ADNP2: variants seen among roughly 807,000 people sequenced by gnomAD.
The protein encoded by ADNP2 is ADNP homeobox 2.
Under a neutral mutation model 16.4 loss-of-function variants are expected in ADNP2, and 8 were observed. The ratio of observed to expected loss-of-function variants is 0.49; its 90% CI spans 0.29 to 0.88. The LOEUF (loss-of-function observed/expected upper bound fraction) is 0.88. ADNP2 is among the 40% of genes least tolerant of loss of function. The probability of loss-of-function intolerance (pLI) is 0.09; values close to 1 mark genes in which losing one functional copy is unlikely to be tolerated. For missense variants in ADNP2, 1,397 were observed against 1,395.1 expected, an observed-to-expected ratio of 1.00 and a Z score of -0.02; for synonymous variants, 637 against 545.8, an observed-to-expected ratio of 1.17 and a Z score of -2.33.
chr18:80,132,331 A>G (rs2052501965), intron 2 of ADNP2, among the ~76,000 whole-genome samples: 2 of 152,198 alleles, frequency 1.3e-5, no homozygotes, highest in Non-Finnish European at 2.9e-5. Context: ...TTGCATCTGT[A>G]CTGAACATGT....
At chr18:80,113,412 C>G (rs144653172) in intron 1 of ADNP2, among the ~76,000 whole-genome samples, 16 of 152,310 alleles carry the variant, frequency 1.1e-4, no homozygotes, top group African/African-American at 3.6e-4. Flanking sequence ...CTTTCTGCCT[C>G]CCACTCCTCT....
intron 2 of ADNP2, among the ~76,000 whole-genome samples, chr18:80,132,119 T>C (rs950141044): frequency 9.2e-5 from 14 of 152,250 alleles, no homozygotes; most frequent in African/African-American, 3.4e-4. Context: ...AGTTATTTGT[T>C]GGGAGGTCTC....
Position 80,137,940 on chromosome 18 carries a change from A to G in ADNP2, c.2527A>G (p.Ile843Val), listed in dbSNP as rs141108203. ...TGGGGAGCGGGAAGTCTACTTGGCAATCCTGGCTGGGATACACTCCAAGTC... is the reference window on the plus strand; with the variant it reads ...TGGGGAGCGGGAAGTCTACTTGGCAGTCCTGGCTGGGATACACTCCAAGTC... ...KLGEREVYLA[I>V]LAGIHSKSLV... is the part of the protein sequence containing the mutation. Residue 843 changes from isoleucine to valine, a missense_variant, in exon 4 of 4, where the codon ATC becomes GTC. Physicochemically the swap from Ile to Val is conservative, Grantham distance 29 (BLOSUM62 3). Coordinates refer to ENST00000262198, the MANE Select transcript of ADNP2 (RefSeq NM_014913.4). The surrounding 1 kb of genome is among the most constrained non-coding windows in gnomAD (Gnocchi z 4.2). 4.3e-5 allele frequency: 70 copies of G among 1,613,316 alleles called. No individual in the cohort carries two copies. The highest frequency in any genetic ancestry group is 2.3e-4 in the Admixed American group (14 of 60,014).
chr18:80,138,302 A>G lies in ADNP2; in HGVS notation c.2889A>G (p.Leu963=). The G allele has an allele frequency of 1.2e-6, 2 of 1,614,132 alleles. No individual in the cohort carries two copies. The highest frequency in any genetic ancestry group is 2.7e-5 in the African/African-American group (2 of 75,058). ...TTATTCACAACAGTGAACTGCTTTT[A>G]GTCAGTGGTGAAGTGATGCATGATT... ...PGFIHNSELL[L]VSGEVMHDSS... The change falls in exon 4 of 4, where the codon TTA becomes TTG. Residue 963 remains leucine (L), a synonymous_variant. Transcript: ENST00000262198.
At chr18:80,118,052 C>G (rs1186677214) in intron 2 of ADNP2, among the ~76,000 whole-genome samples, 1 of 151,906 alleles carries the variant, frequency 6.6e-6, no homozygotes, top group Non-Finnish European at 1.5e-5. Context: ...GAAAAGTTTT[C>G]CTAAAATTTT....
chr18:80,130,966 T>C (rs759631538), intron 2 of ADNP2, among the ~76,000 whole-genome samples: 3 of 152,166 alleles, frequency 2.0e-5, no homozygotes, highest in African/African-American at 4.8e-5. Flanking sequence ...AAAGGAAATA[T>C]TTGAGGGTTG....
rs1446221423 is a variant in ADNP2 at position 80,135,722 on chromosome 18, G to T, written c.309G>T (p.Glu103Asp). Residue 103 changes from glutamate (E) to aspartate (D), a missense_variant, in exon 4 of 4, where the codon GAG (glutamate) becomes GAT (aspartate). By Grantham distance (45) the Glu-to-Asp change is conservative (BLOSUM62 2). Around this residue, in one of 3 missense-constraint regions of ADNP2, gnomAD observed 777 missense variants for 719.4 expected, o/e 1.08. Coordinates refer to ENST00000262198, the MANE Select transcript of ADNP2 (RefSeq NM_014913.4). ...ACCATGAAGATGAAATTGACCAAGA[G>T]CTGGTGATCCCTTGCCCAAACTGTG... is the stretch of plus-strand genomic sequence containing the variant. ...HRYHEDEIDQ[E>D]LVIPCPNCVF... 6.2e-7 allele frequency: 1 copy of T among 1,614,206 alleles called. No individual in the cohort carries two copies. Among genetic ancestry groups the T allele is most frequent in the South Asian group, 1.1e-5 (1 of 91,082 alleles).
chr18:80,128,316 T>C (rs2052473699), intron 2 of ADNP2, among the ~76,000 whole-genome samples: 1 of 152,230 alleles, frequency 6.6e-6, no homozygotes, highest in Non-Finnish European at 1.5e-5. Flanking sequence ...ACTTTATCTT[T>C]TAAGATAGTT....
chr18:80,137,075 T>C lies in ADNP2; in HGVS notation c.1662T>C (p.Leu554=). 6.2e-7 allele frequency: 1 copy of C among 1,613,870 alleles called. No homozygotes were observed. The highest frequency in any genetic ancestry group is 1.6e-4 in the Middle Eastern group (1 of 6,062). ...GTCAGCCTGTTGTGTCGGGAGTTCT[T>C]CCTGTGGGCCAGCCAGTGAGGCCTG... is the stretch of plus-strand genomic sequence containing the variant. The part of the protein sequence containing the change: ...QLSQPVVSGV[L]PVGQPVRPGV... The change falls in exon 4 of 4, where the codon CTT becomes CTC. Residue 554 remains leucine (L), a synonymous_variant. Transcript: ENST00000262198. The surrounding 1 kb of genome is among the most constrained non-coding windows in gnomAD (Gnocchi z 4.2).
chr18:80,128,861 C>G (rs532260684), intron 2 of ADNP2, among the ~76,000 whole-genome samples: 1 of 151,972 alleles, frequency 6.6e-6, no homozygotes, highest in South Asian at 2.1e-4. Context: ...GTAACCGTTT[C>G]TAATTAGAAA....
intron 2 of ADNP2, among the ~76,000 whole-genome samples, chr18:80,131,286 A>G (rs574388324): frequency 6.6e-6 from 1 of 152,294 alleles, no homozygotes; most frequent in East Asian, 1.9e-4. Context: ...TTCTCACACT[A>G]CTGCCTCTTT....
chr18:80,138,204 A>G lies in ADNP2; in HGVS notation c.2791A>G (p.Ile931Val). The G allele has an allele frequency of 5.0e-6, 8 of 1,614,172 alleles. No homozygotes were observed. The highest frequency in any genetic ancestry group is 6.8e-6 in the Non-Finnish European group (8 of 1,180,030). ...VYTGNMTLAAIAVHLVRCRSA... is the reference protein window; with the variant it reads ...VYTGNMTLAAVAVHLVRCRSA... Reference sequence around the variant, plus strand: ...CACGGGAAATATGACCCTGGCTGCCATCGCCGTCCATTTGGTGCGCTGCAG... The same window carrying G: ...CACGGGAAATATGACCCTGGCTGCCGTCGCCGTCCATTTGGTGCGCTGCAG... The change falls in exon 4 of 4, where the codon ATC (isoleucine) becomes GTC (valine). Residue 931 changes from isoleucine (I) to valine (V), a missense_variant. This residue lies in a region of ADNP2 where 611 missense variants were observed against 648.7 expected (regional missense o/e 0.94). Transcript: ENST00000262198.
chr18:80,109,994 G>GTCC (rs2052347335), intron 1 of ADNP2: 1 of 152,606 alleles, frequency 6.6e-6, no homozygotes, highest in Admixed American at 6.5e-5. Context: ...CTTCTCTCTG[G>GTCC]AGGAGCCTTG....
At position 80,138,281 on chromosome 18, in the gene ADNP2, T is replaced by A. The variant is rs763562399; in HGVS notation, c.2868T>A (p.Ile956=). The A allele has an allele frequency of 1.2e-6, 2 of 1,614,166 alleles. No individual in the cohort carries two copies. Among genetic ancestry groups the A allele is most frequent in the Non-Finnish European group, 1.7e-6 (2 of 1,180,048 alleles). ...SSDLQAQPGF[I]HNSELLLVSG... is the part of the protein sequence containing the mutation. Reference sequence around the variant, plus strand: ...ACCTGCAGGCCCAGCCGGGTTTTATTCACAACAGTGAACTGCTTTTAGTCA... The same window carrying A: ...ACCTGCAGGCCCAGCCGGGTTTTATACACAACAGTGAACTGCTTTTAGTCA... The change falls in exon 4 of 4, where the codon ATT becomes ATA. Residue 956 remains isoleucine (I), a synonymous_variant. Transcript: ENST00000262198.
intron 2 of ADNP2, among the ~76,000 whole-genome samples, chr18:80,127,499 G>A (rs968029643): frequency 3.3e-5 from 5 of 152,028 alleles, no homozygotes; most frequent in Admixed American, 6.6e-5. Context: ...TCATGGAAGT[G>A]CAATTTACCA....
Position 80,136,991 on chromosome 18 carries a change from C to T in ADNP2, c.1578C>T (p.Val526=), listed in dbSNP as rs755846120. 1.8e-5 allele frequency: 29 copies of T among 1,613,960 alleles called. 1 individual carries two copies. The Admixed American group carries it at 4.3e-4, about 24-fold the overall frequency. The change falls in exon 4 of 4, where the codon GTC becomes GTT. Residue 526 remains valine (V), a synonymous_variant. Transcript: ENST00000262198. ...PSGLLSPNQT[V]SSSAVVPVNQ... is the part of the protein sequence containing the mutation. ...GGCTTCTTTCTCCCAACCAGACAGT[C>T]TCCTCCTCAGCTGTTGTGCCTGTAA...
intron 1 of ADNP2, among the ~76,000 whole-genome samples, chr18:80,111,333 C>G (rs1057344348): frequency 6.6e-6 from 1 of 152,312 alleles, no homozygotes; most frequent in Non-Finnish European, 1.5e-5. Flanking sequence ...CTCATAACTA[C>G]TCTGTGAATT....
intron 1 of ADNP2, among the ~76,000 whole-genome samples, chr18:80,116,260 G>C (rs2052388702): frequency 6.6e-6 from 1 of 152,132 alleles, no homozygotes; most frequent in Non-Finnish European, 1.5e-5. Context: ...TATTTATCCA[G>C]TCATCAGTTT....
chr18:80,114,066 A>G (rs1403883892), intron 1 of ADNP2, among the ~76,000 whole-genome samples: 2 of 151,834 alleles, frequency 1.3e-5, no homozygotes, highest in Admixed American at 1.3e-4. Context: ...GGTGGCATAC[A>G]TCGGTAGTCC....
Sources: allele counts gnomAD v4.1 joint callset (sites outside exome capture counted in the v4.1 genomes callset), GRCh38; gene constraint gnomAD v4.1.1; regional missense constraint gnomAD v4.1.1; non-coding constraint Gnocchi (gnomAD v3.1); transcripts MANE v1.5; gene names NCBI Gene and HGNC (gene_info 2026-07-23, HGNC 2026-07-21).